Variants in CSMD1 observed in about 807,000 individuals in gnomAD.
The protein encoded by CSMD1 is CUB and Sushi multiple domains 1, also known as CUB and sushi domain-containing protein 1.
Under a neutral mutation model 417.5 loss-of-function variants are expected in CSMD1, and 213 were observed. The observed-to-expected ratio is 0.51, with a 90% CI of 0.46 to 0.57. The LOEUF (loss-of-function observed/expected upper bound fraction) is 0.57, where lower values mean the gene tolerates loss of function less well. CSMD1 is among the 20% of genes least tolerant of loss of function. The probability of loss-of-function intolerance (pLI) is 0.00; values close to 1 mark genes in which losing one functional copy is unlikely to be tolerated. For missense variants in CSMD1, 6,923 were observed against 4,529.7 expected, an observed-to-expected ratio of 1.53 and a Z score of -15.17; for synonymous variants, 2,862 against 1,736.8, an observed-to-expected ratio of 1.65 and a Z score of -16.11.
At chr8:3,619,826 A>G (rs1440079830) in intron 7 of CSMD1, among the ~76,000 whole-genome samples, 1 of 152,210 alleles carries the variant, frequency 6.6e-6, no homozygotes, top group African/African-American at 2.4e-5. Flanking sequence ...AACGTAATAT[A>G]TTCAATAGAA....
At chr8:4,643,476 C>T (rs1803332375) in intron 1 of CSMD1, among the ~76,000 whole-genome samples, 1 of 152,022 alleles carries the variant, frequency 6.6e-6, no homozygotes, top group Admixed American at 6.6e-5. Flanking sequence ...TGCCTTACTC[C>T]TACTGGACGT....
intron 3 of CSMD1, among the ~76,000 whole-genome samples, chr8:4,045,085 A>G (rs1798081493): frequency 6.6e-6 from 1 of 152,210 alleles, no homozygotes. Context: ...TGTGGAGGCC[A>G]CAGACGGGGC....
intron 3 of CSMD1, among the ~76,000 whole-genome samples, chr8:4,275,273 CTCTTT>C: frequency 6.6e-6 from 1 of 151,974 alleles, no homozygotes; most frequent in East Asian, 1.9e-4. Flanking sequence ...AATATGACTT[CTCTTT>C]TATGTTTTAT....
chr8:4,273,859 C>T (rs908681317), intron 3 of CSMD1, among the ~76,000 whole-genome samples: 1 of 152,158 alleles, frequency 6.6e-6, no homozygotes, highest in Admixed American at 6.6e-5. Context: ...ATATAACATA[C>T]TTGCTGTGCT....
chr8:3,036,383 C>A (rs891596288), intron 50 of CSMD1, among the ~76,000 whole-genome samples: 1 of 152,136 alleles, frequency 6.6e-6, no homozygotes, highest in African/African-American at 2.4e-5. Context: ...TTTTGTTTTG[C>A]TTTGTTTTGT....
chr8:4,192,444 G>C (rs888630227), intron 3 of CSMD1, among the ~76,000 whole-genome samples: 2 of 152,056 alleles, frequency 1.3e-5, no homozygotes, highest in African/African-American at 4.8e-5. Context: ...ACCTTCCTCT[G>C]TGTGGCTCTC....
intron 3 of CSMD1, among the ~76,000 whole-genome samples, chr8:4,315,149 C>A (rs561053567): frequency 1.3e-5 from 2 of 152,174 alleles, no homozygotes; most frequent in Non-Finnish European, 2.9e-5. Context: ...CTGCCCTCAT[C>A]CACACCTACC....
At chr8:3,896,675 T>C (rs1241201760) in intron 5 of CSMD1, among the ~76,000 whole-genome samples, 4 of 151,940 alleles carry the variant, frequency 2.6e-5, no homozygotes, top group Non-Finnish European at 5.9e-5. Context: ...CCACACTGGC[T>C]AATTTTTCTT....
intron 7 of CSMD1, among the ~76,000 whole-genome samples, chr8:3,648,045 C>G (rs1162819079): frequency 6.6e-6 from 1 of 152,202 alleles, no homozygotes; most frequent in Non-Finnish European, 1.5e-5. Context: ...CCAGATCTAC[C>G]TGCATGGTTG....
chr8:3,468,676 T>G, intron 12 of CSMD1, 36 bp downstream of exon 12: 1 of 1,385,234 alleles, frequency 7.2e-7, no homozygotes, highest in Non-Finnish European at 1.0e-6. Context: ...CTTGGAATGC[T>G]AACTTCCAAC....
chr8:4,332,727 T>G (rs959274821), intron 3 of CSMD1, among the ~76,000 whole-genome samples: 1 of 152,006 alleles, frequency 6.6e-6, no homozygotes, highest in Non-Finnish European at 1.5e-5. Flanking sequence ...ACTTTTTCAG[T>G]GTGAGTTACC....
At chr8:4,014,422 G>C (rs756634837) in intron 4 of CSMD1, among the ~76,000 whole-genome samples, 11 of 152,102 alleles carry the variant, frequency 7.2e-5, no homozygotes, top group Non-Finnish European at 1.3e-4. Flanking sequence ...TCTTCTCCAG[G>C]AGAATATAAA....
rs76005229 is a variant in CSMD1, at chr8:4,803,134, C to A, written c.86-165576G>T. Reference sequence around the variant, plus strand: ...AGATCATGTATATGATTTTTTTGCCCATACAATGGACTATATATGAATATA... The same window carrying A: ...AGATCATGTATATGATTTTTTTGCCAATACAATGGACTATATATGAATATA... On this transcript the variant is annotated intron_variant, in intron 1 of 69. Transcript: ENST00000635120. Among the ~76,000 whole-genome samples the A allele has an allele frequency of 2.6e-3, 391 of 152,202 alleles. 1 individual carries two copies. The highest frequency in any genetic ancestry group is 9.2e-3 in the African/African-American group (384 of 41,528).
intron 6 of CSMD1, among the ~76,000 whole-genome samples, chr8:3,711,078 T>G (rs1038366311): frequency 6.6e-6 from 1 of 152,156 alleles, no homozygotes; most frequent in Non-Finnish European, 1.5e-5. Context: ...CTATAGCAAA[T>G]GTTTGCTATA....
intron 5 of CSMD1, among the ~76,000 whole-genome samples, chr8:3,975,465 C>T (rs892285321): frequency 3.3e-5 from 5 of 152,112 alleles, no homozygotes; most frequent in African/African-American, 1.2e-4. Flanking sequence ...TGCACTAATA[C>T]ATCACAGTGG....
intron 5 of CSMD1, among the ~76,000 whole-genome samples, chr8:3,874,862 G>A (rs186170603): frequency 9.6e-4 from 146 of 152,164 alleles, no homozygotes; most frequent in African/African-American, 3.4e-3. Flanking sequence ...TTAAGAAAAC[G>A]GCAAAGGGTG....
chr8:3,474,336 A>G (rs1817286238), intron 11 of CSMD1, among the ~76,000 whole-genome samples: 1 of 152,162 alleles, frequency 6.6e-6, no homozygotes, highest in African/African-American at 2.4e-5. Flanking sequence ...GTGCTCAGGG[A>G]GCTGTCACAT....
intron 5 of CSMD1, among the ~76,000 whole-genome samples, chr8:3,808,230 T>C (rs1339338994): frequency 6.6e-6 from 1 of 152,210 alleles, no homozygotes; most frequent in African/African-American, 2.4e-5. Flanking sequence ...CTAAGAGATA[T>C]ACTACAAAAT....
intron 2 of CSMD1, among the ~76,000 whole-genome samples, chr8:4,437,273 C>G (rs1305412459): frequency 1.3e-5 from 2 of 152,030 alleles, no homozygotes; most frequent in African/African-American, 4.8e-5. Context: ...AAGTAAACTT[C>G]CTTTTAAGTA....
Sources: allele counts gnomAD v4.1 joint callset (sites outside exome capture counted in the v4.1 genomes callset), GRCh38; gene constraint gnomAD v4.1.1; transcripts MANE v1.5; gene names NCBI Gene and HGNC (gene_info 2026-07-23, HGNC 2026-07-21).